F9: variants seen among roughly 807,000 people sequenced by gnomAD.
The protein encoded by F9 is Christmas factor.
F9 carries 2 observed loss-of-function variants against 34.1 expected under a neutral mutation model. The ratio of observed to expected loss-of-function variants is 0.06; its 90% CI spans 0.02 to 0.18. The LOEUF (loss-of-function observed/expected upper bound fraction) is 0.18. Among genes scored for constraint, F9 ranks in the 10% least tolerant of loss-of-function variants. F9 has a pLI of 1.00. For synonymous variants in F9, 137 were observed against 118.8 expected (o/e 1.15, Z -1.00); for missense variants, 216 against 345.1 (o/e 0.63, Z 2.96).
At chrX:139,552,816 A>C (rs1927875814) in intron 6 of F9, among the ~76,000 whole-genome samples, 1 of 112,367 alleles carries the variant, frequency 8.9e-6, no homozygotes, top group Non-Finnish European at 1.9e-5. Context: ...CTGAGGTTAG[A>C]ATCTCTGCCA....
intron 4 of F9, chrX:139,547,260 G>T (rs1927737855): frequency 9.0e-6 from 1 of 110,935 alleles, no homozygotes; most frequent in Admixed American, 9.5e-5. Flanking sequence ...ATATTCATAT[G>T]GCATGAAGTA....
chrX:139,546,096 A>C (rs1197015322), intron 4 of F9, among the ~76,000 whole-genome samples: 1 of 110,070 alleles, frequency 9.1e-6, no homozygotes, highest in African/African-American at 3.3e-5. Context: ...CCTCAAGTAG[A>C]CTCCAGTATC....
At chrX:139,546,074 C>A (rs147261366) in intron 4 of F9, among the ~76,000 whole-genome samples, 12 of 111,186 alleles carry the variant, frequency 1.1e-4, no homozygotes, top group African/African-American at 3.9e-4. Flanking sequence ...TCTGCCTCAT[C>A]CCACCCTCCT....
intron 6 of F9, 69 bp from the exon 7 acceptor site, chrX:139,560,672 A>G: frequency 2.6e-6 from 2 of 771,731 alleles, no homozygotes; most frequent in Non-Finnish European, 4.0e-6. Flanking sequence ...TCCTGTAACC[A>G]GCACACATAT....
In F9 at chrX:139,537,045, A is replaced by T; in HGVS notation, c.124A>T (p.Asn42Tyr). The change falls in exon 2 of 8, where the codon AAT becomes TAT. Residue 42 changes from asparagine to tyrosine, a missense_variant. Asn to Tyr is a moderately radical substitution (Grantham distance 143). This residue lies in a region of F9 where 39 missense variants were observed against 33.3 expected (regional missense o/e 1.17). Transcript: ENST00000218099. Reference protein sequence around the residue: ...LDHENANKILNRPKRYNSGKL... With the variant: ...LDHENANKILYRPKRYNSGKL... ...TCATGAAAACGCCAACAAAATTCTG[A>T]ATCGGCCAAAGAGGTATAATTCAGG... 2 of 1,209,918 alleles carry T rather than the reference A, an allele frequency of 1.7e-6. No individual in the cohort carries two copies. The highest frequency in any genetic ancestry group is 2.2e-6 in the Non-Finnish European group (2 of 894,412).
intron 6 of F9, among the ~76,000 whole-genome samples, chrX:139,556,647 C>A (rs4149726): frequency 8.9e-6 from 1 of 112,129 alleles, no homozygotes; most frequent in Non-Finnish European, 1.9e-5. Flanking sequence ...GAAATAAGAA[C>A]GTGACATGTG....
chrX:139,557,987 C>T (rs768129801), intron 6 of F9, among the ~76,000 whole-genome samples: 2 of 112,581 alleles, frequency 1.8e-5, no homozygotes, highest in East Asian at 5.6e-4. Context: ...GGTGCCTTAG[C>T]CAGCCCTGGC....
At chrX:139,557,468 G>A (rs1927994482) in intron 6 of F9, among the ~76,000 whole-genome samples, 1 of 111,829 alleles carries the variant, frequency 8.9e-6, no homozygotes, top group South Asian at 3.8e-4. Flanking sequence ...CCACCAGAAA[G>A]TAGTAGAAGC....
intron 6 of F9, among the ~76,000 whole-genome samples, chrX:139,555,073 C>G (rs1222177784): frequency 1.8e-5 from 2 of 112,356 alleles, no homozygotes; most frequent in African/African-American, 6.5e-5. Context: ...ACGATTCTGA[C>G]CTCCATTAAG....
intron 5 of F9, among the ~76,000 whole-genome samples, chrX:139,550,153 T>C (rs955470155): frequency 4.4e-5 from 5 of 112,442 alleles, no homozygotes; most frequent in African/African-American, 1.6e-4. Context: ...GCAGAATAAG[T>C]AGGCCAAACT....
rs1032331792 is a variant in F9, at chrX:139,541,053, C to G, written c.278-23C>G. On this transcript the variant is annotated intron_variant, in intron 3 of 7. Transcript: ENST00000218099. ...ATTCTAAGCAGTTTACGTGCCAATT[C>G]AATTTCTTAACCTATCTCAAAGATG... 12 of 1,129,576 alleles carry G rather than the reference C, an allele frequency of 1.1e-5. No individual in the cohort carries two copies. The Admixed American group carries it at 1.8e-4, about 17-fold the overall frequency. 93.1% of individuals were successfully genotyped at this position (1,129,576 alleles called of 1,213,427 possible).
chrX:139,544,009 C>T (rs1408606504), intron 4 of F9, among the ~76,000 whole-genome samples: 1 of 111,885 alleles, frequency 8.9e-6, no homozygotes, highest in Non-Finnish European at 1.9e-5. Context: ...TTCCCACCTC[C>T]TGCGCAAAAC....
chrX:139,557,460 A>G (rs1283472766), intron 6 of F9, among the ~76,000 whole-genome samples: 1 of 111,826 alleles, frequency 8.9e-6, no homozygotes, highest in African/African-American at 3.3e-5. Context: ...TTAGCCATCC[A>G]CCAGAAAGTA....
Position 139,561,376 on chromosome X carries a change from G to T in F9, c.839-148G>T, listed in dbSNP as rs1415468787. 3 of 501,333 alleles carry T rather than the reference G, an allele frequency of 6.0e-6. No individual in the cohort carries two copies. The African/African-American group carries it at 7.2e-5, about 12-fold the overall frequency. The allele number at this position is 501,333 out of a possible 1,213,427, so 41.3% of individuals were successfully genotyped here. On this transcript the variant is annotated intron_variant, in intron 7 of 7. Coordinates refer to ENST00000218099, the MANE Select transcript of F9 (RefSeq NM_000133.4). ...TTTTTGGTCTGAAAAATATGCATTG[G>T]CTCTCATTACATTTAACCAAAATTA... is the stretch of plus-strand genomic sequence containing the variant.
intron 6 of F9, among the ~76,000 whole-genome samples, chrX:139,555,534 G>A (rs755773586): frequency 2.7e-5 from 3 of 112,672 alleles, no homozygotes; most frequent in Admixed American, 9.3e-5. Flanking sequence ...CTGGCGGGCC[G>A]GGCCAGCTTC....
intron 4 of F9, among the ~76,000 whole-genome samples, chrX:139,541,679 T>C (rs1369025109): frequency 8.9e-6 from 1 of 111,737 alleles, no homozygotes; most frequent in Non-Finnish European, 1.9e-5. Flanking sequence ...AGAACTGGAG[T>C]ATGACTGGCC....
chrX:139,537,233 A>G (rs1927503264), intron 2 of F9, 60 bp downstream of exon 2: 4 of 1,158,609 alleles, frequency 3.5e-6, no homozygotes, highest in Non-Finnish European at 3.5e-6. Flanking sequence ...ATCTTTAAAA[A>G]GACACTTCTC....
At position 139,539,904 on chromosome X, in the gene F9, C is replaced by T. The variant is rs181804696; in HGVS notation, c.278-1172C>T. Among the ~76,000 whole-genome samples, 431 of 111,401 alleles carry T rather than the reference C, an allele frequency of 3.9e-3. 2 individuals are homozygous for T. The highest frequency in any genetic ancestry group is 0.013 in the African/African-American group (409 of 30,706). On this transcript the variant is annotated intron_variant, in intron 3 of 7. Transcript: ENST00000218099. ...TCTTAGTCAACGGAACCTGGATACA[C>T]GCTTCTGACAGAGAAGAGGGAGAAT...
chrX:139,535,311 A>AC (rs1927431760), intron 1 of F9, among the ~76,000 whole-genome samples: 1 of 110,410 alleles, frequency 9.1e-6, no homozygotes, highest in Non-Finnish European at 1.9e-5. Context: ...GTGAGCTGAG[A>AC]TCGCACCACT....
Sources: gnomAD v4.1 joint callset for allele counts (sites outside exome capture counted in the v4.1 genomes callset) on GRCh38, gnomAD v4.1.1 for gene constraint, gnomAD v4.1.1 regional missense constraint, MANE v1.5 for transcripts, NCBI Gene and HGNC (gene_info 2026-07-23, HGNC 2026-07-21) for gene names.